WBP1: variants seen among roughly 807,000 people sequenced by gnomAD.
The protein encoded by WBP1 is WW domain binding protein 1, also known as WW domain-binding protein 1.
In WBP1, 18 loss-of-function variants were observed where a neutral mutation model predicts 25.6. The ratio of observed to expected loss-of-function variants is 0.70; its 90% confidence interval spans 0.49 to 1.04. The LOEUF (loss-of-function observed/expected upper bound fraction) is 1.04. WBP1 is among the 50% of genes least tolerant of loss of function. WBP1 has a pLI of 0.00. For synonymous variants in WBP1, 122 were observed against 137.7 expected, an observed-to-expected ratio of 0.89 and a Z score of 0.80; for missense variants, 330 against 352.9, an observed-to-expected ratio of 0.94 and a Z score of 0.52.
intron 1 of WBP1, chr2:74,458,916 C>T: frequency 6.4e-7 from 1 of 1,550,982 alleles, no homozygotes; most frequent in Non-Finnish European, 8.7e-7. Flanking sequence ...TGACCAGAGG[C>T]ATAGTGAGGT....
chr2:74,460,073 C>G (rs1309837362), intron 3 of WBP1, 24 bp downstream of exon 3: 15 of 1,607,366 alleles, frequency 9.3e-6, no homozygotes, highest in Non-Finnish European at 1.3e-5. Context: ...TGCCCTGGGT[C>G]AGCTACCAGT....
At chr2:74,458,774 G>C in intron 1 of WBP1, 103 bp downstream of exon 1, 1 of 1,519,906 alleles carries the variant, frequency 6.6e-7, no homozygotes, top group South Asian at 1.3e-5. Context: ...GGAGCCAAAG[G>C]TACTGTGAAG....
At chr2:74,460,137 T>A in intron 3 of WBP1, 84 bp from the exon 4 acceptor site, 2 of 1,577,332 alleles carry the variant, frequency 1.3e-6, no homozygotes, top group Non-Finnish European at 1.7e-6. Context: ...TTCCACACAT[T>A]TCAAAGTATT....
At position 74,459,756 on chromosome 2, in the gene WBP1, A is replaced by G. The variant is rs201891117; in HGVS notation, c.172+11A>G. On this transcript the variant is annotated intron_variant, in intron 2 of 3. Transcript: ENST00000233615. ...ACTATGAGCTCTGGTGTAAGTCTCC[A>G]AGAGGGCTATTTCCAGGTCCCTGTG... 4 of 1,614,144 alleles carry G rather than the reference A, an allele frequency of 2.5e-6. No homozygotes were observed. In the African/African-American group the frequency reaches 4.0e-5, roughly 16 times the overall value.
Position 74,460,050 on chromosome 2 carries a change from G to A in WBP1, c.349+1G>A, listed in dbSNP as rs764665291. ...CCTACCGGTTCACTGCTTGACCTTCGTGAGTGACTTGATGCCCTGGGTCAG... is the reference window on the plus strand; with the variant it reads ...CCTACCGGTTCACTGCTTGACCTTCATGAGTGACTTGATGCCCTGGGTCAG... On this transcript the variant is annotated splice_donor_variant, in intron 3 of 3. Coordinates refer to ENST00000233615, the MANE Select transcript of WBP1 (RefSeq NM_012477.4). LOFTEE classifies it high-confidence loss of function. 6.2e-6 allele frequency: 10 copies of A among 1,611,272 alleles called. No individual in the cohort carries two copies. Among genetic ancestry groups the A allele is most frequent in the Admixed American group, 1.7e-5 (1 of 59,942 alleles).
rs140963514 is a variant in WBP1, at chr2:74,459,926, C to T, written c.226C>T (p.Arg76Cys). The T allele has an allele frequency of 3.0e-5, 48 of 1,614,060 alleles. No individual in the cohort carries two copies. The highest frequency in any genetic ancestry group is 8.3e-5 in the Admixed American group (5 of 59,992). Residue 76 changes from arginine (R) to cysteine (C), a missense_variant, in exon 3 of 4, where the codon CGC becomes TGC. Transcript: ENST00000233615. ...LILFSCCCAFRHRRAKLRLQQ... is the reference protein window; with the variant it reads ...LILFSCCCAFCHRRAKLRLQQ... Reference sequence around the variant, plus strand: ...CCTCTTTAGCTGCTGTTGCGCCTTCCGCCACCGACGAGCTAAACTCAGGCT... The same window carrying T: ...CCTCTTTAGCTGCTGTTGCGCCTTCTGCCACCGACGAGCTAAACTCAGGCT...
At chr2:74,458,748 TG>T in intron 1 of WBP1, 77 bp downstream of exon 1, 1 of 1,522,906 alleles carries the variant, frequency 6.6e-7, no homozygotes, top group Non-Finnish European at 8.9e-7. Flanking sequence ...CTTTTGGGGG[TG>T]GGGGAGGAAC....
intron 1 of WBP1, chr2:74,459,265 G>A: frequency 1.2e-6 from 1 of 828,346 alleles, no homozygotes; most frequent in Non-Finnish European, 1.6e-6. Flanking sequence ...CTGAGACTGA[G>A]ATTATCTCAG....
chr2:74,458,719 C>T (rs1306429137), intron 1 of WBP1, 48 bp downstream of exon 1: 2 of 1,545,236 alleles, frequency 1.3e-6, no homozygotes, highest in East Asian at 4.8e-5. Flanking sequence ...TTGTCTCTTT[C>T]CCCTTTCCTT....
In WBP1 at chr2:74,459,639, G is replaced by A. The variant is rs752609424; in HGVS notation, c.70-4G>A. On this transcript the variant is annotated splice_polypyrimidine_tract_variant and splice_region_variant and intron_variant, in intron 1 of 3. Transcript: ENST00000233615. ...CTTAGTTCTAAGTGCCTCCTTGCCC[G>A]CAGCTTCGAGAGCTGTGCCCAGGAG... 3 of 1,613,592 alleles carry A rather than the reference G, an allele frequency of 1.9e-6. No homozygotes were observed. Among genetic ancestry groups the A allele is most frequent in the East Asian group, 2.2e-5 (1 of 44,894 alleles).
In WBP1 at chr2:74,458,967, T is replaced by C. The variant is rs897354490; in HGVS notation, c.69+296T>C. On this transcript the variant is annotated intron_variant, in intron 1 of 3. Coordinates refer to ENST00000233615, the MANE Select transcript of WBP1 (RefSeq NM_012477.4). ...TCTGTCTTGCAACAGTTATTTGTGA[T>C]CTTTTTCTATGTGCCTATTGTCACA... 4 of 1,550,686 alleles carry C rather than the reference T, an allele frequency of 2.6e-6. No individual in the cohort carries two copies. The Admixed American group carries it at 7.8e-5, about 30-fold the overall frequency.
chr2:74,459,630 T>C lies in WBP1; in HGVS notation c.70-13T>C. 1.2e-6 allele frequency: 2 copies of C among 1,613,578 alleles called. No individual in the cohort carries two copies. The highest frequency in any genetic ancestry group is 2.2e-5 in the South Asian group (2 of 91,062). On this transcript the variant is annotated splice_polypyrimidine_tract_variant and intron_variant, in intron 1 of 3. Coordinates refer to ENST00000233615, the MANE Select transcript of WBP1 (RefSeq NM_012477.4). ...GGAATCCCCCTTAGTTCTAAGTGCC[T>C]CCTTGCCCGCAGCTTCGAGAGCTGT...
At chr2:74,459,318 C>T in intron 1 of WBP1, 1 of 626,724 alleles carries the variant, frequency 1.6e-6, no homozygotes, top group South Asian at 2.1e-5. Context: ...TAACAGAAAG[C>T]ACCGAGGGGA....
chr2:74,459,185 T>TG lies in WBP1; in HGVS notation c.70-452dup, dbSNP rs1205556931. 5.3e-6 allele frequency: 8 copies of TG among 1,507,088 alleles called. No individual in the cohort carries two copies. In the South Asian group the frequency reaches 6.1e-5, roughly 11 times the overall value. The allele number at this position is 1,507,088 out of a possible 1,614,324, so 93.4% of individuals were successfully genotyped here. A position where few individuals can be genotyped will look rare whatever the true frequency, so the allele number is the denominator to read the frequency against. ...AGGGGTGGAAAGATCCAGTTGCGGG[T>TG]GGGGGGTAGTGAACCGCGCAGGATA... On this transcript the variant is annotated intron_variant, in intron 1 of 3. Transcript: ENST00000233615.
chr2:74,460,201 G>A lies in WBP1; in HGVS notation c.350-20G>A, dbSNP rs1187187686. On this transcript the variant is annotated intron_variant, in intron 3 of 3. Transcript: ENST00000233615. ...TACCTGGTTGTCTTCAACCAATCATGCCAATTTTCTCCCCTGCAGGCTTCC... is the reference window on the plus strand; with the variant it reads ...TACCTGGTTGTCTTCAACCAATCATACCAATTTTCTCCCCTGCAGGCTTCC... 1.3e-6 allele frequency: 2 copies of A among 1,595,072 alleles called. No individual in the cohort carries two copies. The highest frequency in any genetic ancestry group is 1.7e-5 in the Admixed American group (1 of 58,344).
At chr2:74,458,793 C>T in intron 1 of WBP1, 122 bp downstream of exon 1, 1 of 1,521,774 alleles carries the variant, frequency 6.6e-7, no homozygotes. Context: ...AGTTCCTAAA[C>T]ATGTCTCTTC....
chr2:74,460,135 A>C lies in WBP1; in HGVS notation c.349+86A>C, dbSNP rs925480280. The C allele has an allele frequency of 1.8e-5, 28 of 1,576,160 alleles. No homozygotes were observed. The African/African-American group carries it at 2.7e-4, about 15-fold the overall frequency. ...TCGTCTCACATTCCCTTTTCCACAC[A>C]TTTCAAAGTATTTTTCCCTAATATA... On this transcript the variant is annotated intron_variant, in intron 3 of 3. Coordinates refer to ENST00000233615, the MANE Select transcript of WBP1 (RefSeq NM_012477.4).
At chr2:74,460,184 T>C (rs769470262) in intron 3 of WBP1, 37 bp from the exon 4 acceptor site, 8 of 1,586,936 alleles carry the variant, frequency 5.0e-6, no homozygotes, top group Non-Finnish European at 6.9e-6. Flanking sequence ...TATACCTGGT[T>C]GTCTTCAACC....
rs750241005 is a variant in WBP1, at chr2:74,459,181, C to G, written c.70-462C>G. 3.8e-5 allele frequency: 57 copies of G among 1,510,638 alleles called. No individual in the cohort carries two copies. The South Asian group carries it at 6.2e-4, about 16-fold the overall frequency. 93.6% of individuals were successfully genotyped at this position (1,510,638 alleles called of 1,614,324 possible). On this transcript the variant is annotated intron_variant, in intron 1 of 3. Coordinates refer to ENST00000233615, the MANE Select transcript of WBP1 (RefSeq NM_012477.4). ...GCCCAGGGGTGGAAAGATCCAGTTG[C>G]GGGTGGGGGGTAGTGAACCGCGCAG...
Sources: allele counts gnomAD v4.1 joint callset, GRCh38; gene constraint gnomAD v4.1.1; transcripts MANE v1.5; gene names NCBI Gene and HGNC (gene_info 2026-07-23, HGNC 2026-07-21).